The following GRIA3 variants were observed in gnomAD, a reference collection of about 807,000 sequenced individuals.
GRIA3 encodes glutamate ionotropic receptor AMPA type subunit 3.
A neutral mutation model predicts 63.0 loss-of-function variants in GRIA3; 3 were observed. That is an observed-to-expected ratio of 0.05 (90% confidence interval 0.02 to 0.12). GRIA3 has a LOEUF of 0.12. GRIA3 is among the 10% of genes least tolerant of loss of function. GRIA3 has a pLI of 1.00. For synonymous variants in GRIA3, 274 were observed against 257.9 expected, an observed-to-expected ratio of 1.06 and a Z score of -0.60; for missense variants, 347 against 700.9, an observed-to-expected ratio of 0.50 and a Z score of 5.70.
chrX:123,453,624 C>CAA (rs1205957768), intron 12 of GRIA3, among the ~76,000 whole-genome samples: 3 of 110,930 alleles, frequency 2.7e-5, no homozygotes, highest in African/African-American at 6.6e-5. Flanking sequence ...TTTCAACACA[C>CAA]ACACACACAC....
chrX:123,272,882 A>C (rs2044531914), intron 3 of GRIA3, among the ~76,000 whole-genome samples: 1 of 111,663 alleles, frequency 9.0e-6, no homozygotes, highest in South Asian at 3.8e-4. Flanking sequence ...CTGAGATCTT[A>C]TCCTGGGCAC....
chrX:123,319,674 A>G (rs2044855050), intron 3 of GRIA3, among the ~76,000 whole-genome samples: 1 of 111,543 alleles, frequency 9.0e-6, no homozygotes, highest in African/African-American at 3.3e-5. Flanking sequence ...TACCACAGGA[A>G]GAAGCAATTT....
At chrX:123,463,611 G>GAAAGAAAGAAAGAAA (rs2045809361) in intron 12 of GRIA3, among the ~76,000 whole-genome samples, 4 of 12,135 alleles carry the variant, frequency 3.3e-4, no homozygotes, top group Admixed American at 1.4e-3. Context: ...AGGGAGGGAG[G>GAAAGAAAGAAAGAAA]GAAAGAAAGA....
chrX:123,421,947 A>T (rs2045566140), intron 11 of GRIA3, among the ~76,000 whole-genome samples: 1 of 111,780 alleles, frequency 8.9e-6, no homozygotes, highest in Non-Finnish European at 1.9e-5. Flanking sequence ...TATCACAGAC[A>T]AGGGAACAGC....
At chrX:123,450,889 T>C (rs2045726490) in intron 12 of GRIA3, among the ~76,000 whole-genome samples, 1 of 111,728 alleles carries the variant, frequency 9.0e-6, no homozygotes, top group African/African-American at 3.3e-5. Flanking sequence ...CATGAAAGTA[T>C]GAGGTGGAGT....
rs774012783 is a variant in GRIA3 at position 123,390,812 on chromosome X, C to G, written c.751-4156C>G. 7.2e-5 allele frequency among the ~76,000 whole-genome samples: 8 copies of G among 111,384 alleles called. No individual in the cohort carries two copies. In the East Asian group the frequency reaches 2.0e-3, roughly 27 times the overall value. ...TTTACAGTGTCCTATATGTCATAGA[C>G]TTTGTTTATTCTTTTTTAGTATTTT... On this transcript the variant is annotated intron_variant, in intron 5 of 15. Transcript: ENST00000620443.
chrX:123,316,097 T>C (rs2044829732), intron 3 of GRIA3, among the ~76,000 whole-genome samples: 1 of 111,064 alleles, frequency 9.0e-6, no homozygotes, highest in South Asian at 3.9e-4. Context: ...AATGTCAAAC[T>C]TTTATTCATG....
At chrX:123,254,720 A>G (rs769347809) in intron 3 of GRIA3, among the ~76,000 whole-genome samples, 1 of 111,627 alleles carries the variant, frequency 9.0e-6, no homozygotes, top group African/African-American at 3.3e-5. Flanking sequence ...CCTCCAAACT[A>G]TCATCAAATT....
intron 2 of GRIA3, among the ~76,000 whole-genome samples, chrX:123,200,590 TAC>T (rs1386567614): frequency 4.8e-5 from 4 of 82,527 alleles, no homozygotes; most frequent in East Asian, 3.9e-4. Context: ...TATATACATA[TAC>T]ACACACACAC....
Position 123,398,656 on chromosome X carries a change from C to T in GRIA3, c.933C>T (p.His311=), listed in dbSNP as rs148850386. 8 of 1,203,919 alleles carry T rather than the reference C, an allele frequency of 6.6e-6. No homozygotes were observed. The East Asian group carries it at 1.5e-4, about 22-fold the overall frequency. The change falls in exon 7 of 16, where the codon CAC becomes CAT. Residue 311 remains histidine, a synonymous_variant. Coordinates refer to ENST00000620443, the MANE Select transcript of GRIA3 (RefSeq NM_007325.5). ...APLKYTSALT[H]DAILVIAEAF... is the part of the protein sequence containing the mutation. ...TTCAGTATACATCTGCATTGACACA[C>T]GACGCAATACTGGTCATAGCAGAAG...
At chrX:123,354,703 T>C (rs1180816211) in intron 4 of GRIA3, among the ~76,000 whole-genome samples, 1 of 111,272 alleles carries the variant, frequency 9.0e-6, no homozygotes, top group Admixed American at 9.6e-5. Flanking sequence ...TTTTTTCCCC[T>C]TGTTTTGACA....
intron 3 of GRIA3, among the ~76,000 whole-genome samples, chrX:123,278,039 G>A (rs2044565155): frequency 8.9e-6 from 1 of 111,926 alleles, no homozygotes; most frequent in Non-Finnish European, 1.9e-5. Flanking sequence ...TAGTTACCTA[G>A]GTCCCCACAA....
At chrX:123,186,163 A>T (rs1449148551) in intron 2 of GRIA3, among the ~76,000 whole-genome samples, 173 bp downstream of exon 2, 1 of 111,538 alleles carries the variant, frequency 9.0e-6, no homozygotes, top group Non-Finnish European at 1.9e-5. Context: ...GATACTGCTG[A>T]GGGGCTTAAG....
chrX:123,406,264 T>C lies in GRIA3; in HGVS notation c.1500+1350T>C, dbSNP rs769968202. On this transcript the variant is annotated intron_variant, in intron 10 of 15. Transcript: ENST00000620443. ...AAGGTTTAGTTCTAACAAACAAAGA[T>C]TACCTGTAATAATAACTCTCTGTCT... Among the ~76,000 whole-genome samples, 4 of 112,342 alleles carry C rather than the reference T, an allele frequency of 3.6e-5. No individual in the cohort carries two copies. In the South Asian group the frequency reaches 1.1e-3, roughly 31 times the overall value.
chrX:123,463,377 G>A (rs1034437113), intron 12 of GRIA3, among the ~76,000 whole-genome samples: 11 of 106,787 alleles, frequency 1.0e-4, no homozygotes, highest in Non-Finnish European at 1.7e-4. Context: ...GTGAGACCTC[G>A]TCTCTACAAA....
chrX:123,450,390 C>T (rs780278105), intron 12 of GRIA3, among the ~76,000 whole-genome samples: 3 of 112,540 alleles, frequency 2.7e-5, no homozygotes, highest in Admixed American at 9.4e-5. Context: ...TAGCTACTAA[C>T]GATCTTTCCA....
chrX:123,463,705 AAAG>A (rs1470855221), intron 12 of GRIA3, among the ~76,000 whole-genome samples: 1 of 6,924 alleles, frequency 1.4e-4, no homozygotes, highest in Non-Finnish European at 2.5e-4. Flanking sequence ...AAAGAAAAAG[AAAG>A]AAAGAAAGAA....
At chrX:123,433,263 G>T (rs1372988608) in intron 12 of GRIA3, among the ~76,000 whole-genome samples, 1 of 111,446 alleles carries the variant, frequency 9.0e-6, no homozygotes, top group Non-Finnish European at 1.9e-5. Context: ...TAAGAAATAA[G>T]GACCAGATCA....
At chrX:123,290,668 C>G (rs1418733548) in intron 3 of GRIA3, among the ~76,000 whole-genome samples, 1 of 108,594 alleles carries the variant, frequency 9.2e-6, no homozygotes, top group East Asian at 2.9e-4. Flanking sequence ...CATTAGACAT[C>G]ATAATCATGT....
Sources: gnomAD v4.1 joint callset for allele counts (sites outside exome capture counted in the v4.1 genomes callset) on GRCh38, gnomAD v4.1.1 for gene constraint, MANE v1.5 for transcripts, NCBI Gene and HGNC (gene_info 2026-07-23, HGNC 2026-07-21) for gene names.